The following MRPS11 variants were observed in gnomAD, a reference collection of about 807,000 sequenced individuals.
MRPS11 encodes the protein small ribosomal subunit protein uS11m.
A neutral mutation model predicts 24.3 loss-of-function variants in MRPS11; 27 were observed. The observed-to-expected ratio is 1.11, with a 90% CI of 0.82 to 1.53. The LOEUF (loss-of-function observed/expected upper bound fraction) is 1.53. Among genes scored for constraint, MRPS11 ranks in the 40% most tolerant of loss-of-function variants. MRPS11 has a pLI of 0.00. For missense variants in MRPS11, 277 were observed against 256.5 expected (o/e 1.08, Z -0.55); for synonymous variants, 104 against 98.7 (o/e 1.05, Z -0.32).
In MRPS11 at chr15:88,480,649, G is replaced by A. The variant is rs2055912891; in HGVS notation, c.*2670G>A. ...AAATGGATGTCTGGCGCAACCCCCG[G>A]AGCTAGTTTTGGGGAGGCCGCCTTG... On this transcript the variant is annotated 3_prime_UTR_variant, in exon 6 of 6. Coordinates refer to ENST00000325844, the MANE Select transcript of MRPS11 (RefSeq NM_022839.5). The surrounding 1 kb of genome is among the most constrained non-coding windows in gnomAD (Gnocchi z 5.1). 6.6e-6 allele frequency: 1 copy of A among 152,150 alleles called. No individual in the cohort carries two copies. Among genetic ancestry groups the A allele is most frequent in the East Asian group, 1.9e-4 (1 of 5,182 alleles). The allele number at this position is 152,150 out of a possible 1,614,324, so 9.4% of individuals were successfully genotyped here.
At chr15:88,476,282 A>G (rs1273971144) in intron 4 of MRPS11, among the ~76,000 whole-genome samples, 4 of 152,218 alleles carry the variant, frequency 2.6e-5, no homozygotes, top group African/African-American at 9.6e-5. Context: ...ATCGGAACCC[A>G]GATTGGTCTG....
rs1321072697 is a variant in MRPS11, at chr15:88,480,670, C to T, written c.*2691C>T. The T allele has an allele frequency of 2.0e-5, 3 of 152,074 alleles. No individual in the cohort carries two copies. Among genetic ancestry groups the T allele is most frequent in the African/African-American group, 7.2e-5 (3 of 41,398 alleles). 9.4% of individuals were successfully genotyped at this position (152,074 alleles called of 1,614,324 possible). On this transcript the variant is annotated 3_prime_UTR_variant, in exon 6 of 6. Transcript: ENST00000325844. The surrounding 1 kb of genome is among the most constrained non-coding windows in gnomAD (Gnocchi z 5.1). ...CCCGGAGCTAGTTTTGGGGAGGCCG[C>T]CTTGTTGACTGTGCACTGGAAAATG...
chr15:88,471,795 C>T (rs879124383), intron 2 of MRPS11, among the ~76,000 whole-genome samples: 2 of 152,294 alleles, frequency 1.3e-5, no homozygotes, highest in African/African-American at 4.8e-5. Flanking sequence ...AGATCTTGAA[C>T]GCAACACAAT....
chr15:88,467,803 C>G (rs1448643348), intron 1 of MRPS11, 21 bp downstream of exon 1: 6 of 1,613,830 alleles, frequency 3.7e-6, no homozygotes, highest in Non-Finnish European at 4.2e-6. Context: ...ACTGCCCCCT[C>G]GAGCCCACCG....
In MRPS11 at chr15:88,478,200, CA is replaced by C; in HGVS notation, c.*222del. 1.7e-6 allele frequency: 1 copy of C among 574,470 alleles called. No homozygotes were observed. Among genetic ancestry groups the C allele is most frequent in the Non-Finnish European group, 3.1e-6 (1 of 322,194 alleles). 35.6% of individuals were successfully genotyped at this position (574,470 alleles called of 1,614,324 possible). A position where few individuals can be genotyped will look rare whatever the true frequency, so the allele number is the denominator to read the frequency against. On this transcript the variant is annotated 3_prime_UTR_variant, in exon 6 of 6. Transcript: ENST00000325844. The surrounding 1 kb of genome is among the most constrained non-coding windows in gnomAD (Gnocchi z 4.7). ...TGCATCTCTTACAAGAGGGGAGCTA[CA>C]GGGGCAGCCGTGGCCTAGGCCCAAA...
rs985415914 is a variant in MRPS11 at position 88,477,644 on chromosome 15, T to C, written c.478-228T>C. On this transcript the variant is annotated intron_variant, in intron 5 of 5. Coordinates refer to ENST00000325844, the MANE Select transcript of MRPS11 (RefSeq NM_022839.5). The surrounding 1 kb of genome is among the most constrained non-coding windows in gnomAD (Gnocchi z 5.7). ...TCGTAAAGTGCAAAGTGGAAAGTGG[T>C]GGGTACAGTTTGAGAGGGGAACAGT... Among the ~76,000 whole-genome samples, 1 of 152,114 alleles carries C rather than the reference T, an allele frequency of 6.6e-6. No homozygotes were observed. The highest frequency in any genetic ancestry group is 2.4e-5 in the African/African-American group (1 of 41,420).
chr15:88,474,597 TA>T (rs2055783116), intron 3 of MRPS11, among the ~76,000 whole-genome samples: 1 of 151,882 alleles, frequency 6.6e-6, no homozygotes, highest in African/African-American at 2.4e-5. Flanking sequence ...ATATTGCTAA[TA>T]TTTTTTTAAG....
intron 3 of MRPS11, among the ~76,000 whole-genome samples, chr15:88,473,018 G>A (rs893933801): frequency 1.1e-4 from 16 of 152,166 alleles, no homozygotes; most frequent in African/African-American, 3.9e-4. Flanking sequence ...AGTGTATGAG[G>A]GGCATATGGT....
chr15:88,472,735 A>T lies in MRPS11; in HGVS notation c.281+10A>T. On this transcript the variant is annotated intron_variant, in intron 3 of 5. Coordinates refer to ENST00000325844, the MANE Select transcript of MRPS11 (RefSeq NM_022839.5). ...AAGCATCCCACAACAAGTAAGTGGG[A>T]AGGGAAACACTGGGCAGGTCTAGCG... 1 of 1,605,326 alleles carries T rather than the reference A, an allele frequency of 6.2e-7. No individual in the cohort carries two copies.
Position 88,477,491 on chromosome 15 carries a change from A to T in MRPS11, c.478-381A>T, listed in dbSNP as rs1205289537. ...TCTCTCTGACTTTGCAGGAATAATGAGGTATCAGGGAGGTGGAGGCACAGC... is the reference window on the plus strand; with the variant it reads ...TCTCTCTGACTTTGCAGGAATAATGTGGTATCAGGGAGGTGGAGGCACAGC... On this transcript the variant is annotated intron_variant, in intron 5 of 5. Coordinates refer to ENST00000325844, the MANE Select transcript of MRPS11 (RefSeq NM_022839.5). The surrounding 1 kb of genome is among the most constrained non-coding windows in gnomAD (Gnocchi z 5.7). Among the ~76,000 whole-genome samples the T allele has an allele frequency of 6.6e-6, 1 of 152,180 alleles. No homozygotes were observed. The highest frequency in any genetic ancestry group is 2.4e-5 in the African/African-American group (1 of 41,448).
Position 88,467,890 on chromosome 15 carries a change from C to T in MRPS11, c.66-18C>T, listed in dbSNP as rs536702634. The T allele has an allele frequency of 1.3e-5, 21 of 1,613,562 alleles. No individual in the cohort carries two copies. The highest frequency in any genetic ancestry group is 1.2e-4 in the African/African-American group (9 of 75,024). ...AGTGACCGTTAGGCCGTGGCCCTCA[C>T]CGAGCTTTTCTTCCCAGCAGGGTCG... is the stretch of plus-strand genomic sequence containing the variant. On this transcript the variant is annotated intron_variant, in intron 1 of 5. Coordinates refer to ENST00000325844, the MANE Select transcript of MRPS11 (RefSeq NM_022839.5).
At position 88,479,737 on chromosome 15, in the gene MRPS11, C is replaced by G. The variant is rs567632457; in HGVS notation, c.*1758C>G. 6.6e-6 allele frequency: 1 copy of G among 152,144 alleles called. No individual in the cohort carries two copies. Among genetic ancestry groups the G allele is most frequent in the African/African-American group, 2.4e-5 (1 of 41,436 alleles). 9.4% of individuals were successfully genotyped at this position (152,144 alleles called of 1,614,324 possible). On this transcript the variant is annotated 3_prime_UTR_variant, in exon 6 of 6. Coordinates refer to ENST00000325844, the MANE Select transcript of MRPS11 (RefSeq NM_022839.5). ...TGGTGCACTTGAAAATTGCACTTCG[C>G]GATTTGATATGGTTTGGTGGACAGA... is the stretch of plus-strand genomic sequence containing the variant.
chr15:88,477,013 C>T lies in MRPS11; in HGVS notation c.436C>T (p.His146Tyr). 1 of 1,614,050 alleles carries T rather than the reference C, an allele frequency of 6.2e-7. No homozygotes were observed. Among genetic ancestry groups the T allele is most frequent in the Non-Finnish European group, 8.5e-7 (1 of 1,180,002 alleles). Reference sequence around the variant, plus strand: ...GAGAGCTAAACAAAAGGGCGTGATCCACATCCGAGTTGTGGTGAAAGGCCT... The same window carrying T: ...GAGAGCTAAACAAAAGGGCGTGATCTACATCCGAGTTGTGGTGAAAGGCCT... Reference protein sequence around the residue: ...AARAKQKGVIHIRVVVKGLGP... With the variant: ...AARAKQKGVIYIRVVVKGLGP... The change falls in exon 5 of 6, where the codon CAC becomes TAC. Residue 146 changes from histidine (H) to tyrosine (Y), a missense_variant. His to Tyr is a moderately conservative substitution (Grantham distance 83). Transcript: ENST00000325844. This position sits in a 1 kb window ranked among gnomAD's most constrained non-coding sequence, Gnocchi z 5.7.
Position 88,475,245 on chromosome 15 carries a change from T to C in MRPS11, c.411+6T>C, listed in dbSNP as rs1165570209. On this transcript the variant is annotated splice_donor_region_variant and intron_variant, in intron 4 of 5. Transcript: ENST00000325844. This position sits in a 1 kb window ranked among gnomAD's most constrained non-coding sequence, Gnocchi z 4.1. The stretch of plus-strand genomic sequence containing the variant: ...CAGGCATAGCCGCAGCGGCGGTAAG[T>C]GTGTGTTCCTTCTGCTTCCTTCTAG... 1 of 1,613,906 alleles carries C rather than the reference T, an allele frequency of 6.2e-7. No individual in the cohort carries two copies. The highest frequency in any genetic ancestry group is 1.1e-5 in the South Asian group (1 of 91,066).
In MRPS11 at chr15:88,478,212, T is replaced by C; in HGVS notation, c.*233T>C. On this transcript the variant is annotated 3_prime_UTR_variant, in exon 6 of 6. Coordinates refer to ENST00000325844, the MANE Select transcript of MRPS11 (RefSeq NM_022839.5). The surrounding 1 kb of genome is among the most constrained non-coding windows in gnomAD (Gnocchi z 4.7). ...AAGAGGGGAGCTACAGGGGCAGCCG[T>C]GGCCTAGGCCCAAACTCTGCTCTGA... 3 of 565,140 alleles carry C rather than the reference T, an allele frequency of 5.3e-6. No individual in the cohort carries two copies. Among genetic ancestry groups the C allele is most frequent in the Non-Finnish European group, 9.5e-6 (3 of 316,780 alleles). The allele number at this position is 565,140 out of a possible 1,614,324, so 35.0% of individuals were successfully genotyped here. A position where few individuals can be genotyped will look rare whatever the true frequency, so the allele number is the denominator to read the frequency against.
At position 88,480,494 on chromosome 15, in the gene MRPS11, T is replaced by A. The variant is rs891446912; in HGVS notation, c.*2515T>A. 10 of 152,220 alleles carry A rather than the reference T, an allele frequency of 6.6e-5. No individual in the cohort carries two copies. The highest frequency in any genetic ancestry group is 2.4e-4 in the African/African-American group (10 of 41,448). The allele number at this position is 152,220 out of a possible 1,614,324, so 9.4% of individuals were successfully genotyped here. A position where few individuals can be genotyped will look rare whatever the true frequency, so the allele number is the denominator to read the frequency against. ...AACAGGCGTGAGCCACTGCGCCTGA[T>A]CCACACACCATAGTTTTTAAAATGT... On this transcript the variant is annotated 3_prime_UTR_variant, in exon 6 of 6. Coordinates refer to ENST00000325844, the MANE Select transcript of MRPS11 (RefSeq NM_022839.5). This position sits in a 1 kb window ranked among gnomAD's most constrained non-coding sequence, Gnocchi z 5.1.
chr15:88,468,057 C>T (rs1018010032), intron 2 of MRPS11, 33 bp downstream of exon 2: 2 of 1,576,700 alleles, frequency 1.3e-6, no homozygotes, highest in Non-Finnish European at 1.7e-6. Context: ...CTCTGGAGAC[C>T]CGCAACCCCT....
At chr15:88,474,029 A>T (rs1415143999) in intron 3 of MRPS11, among the ~76,000 whole-genome samples, 3 of 152,142 alleles carry the variant, frequency 2.0e-5, no homozygotes, top group African/African-American at 7.2e-5. Flanking sequence ...TACAAAAATT[A>T]GCCAGGCGTG....
intron 2 of MRPS11, 93 bp from the exon 3 acceptor site, chr15:88,472,534 G>C (rs2142213617): frequency 9.8e-7 from 1 of 1,018,626 alleles, no homozygotes; most frequent in African/African-American, 1.6e-5. Context: ...GCAGCAGGGG[G>C]CACAGAGCTG....
Sources: allele counts gnomAD v4.1 joint callset (sites outside exome capture counted in the v4.1 genomes callset), GRCh38; gene constraint gnomAD v4.1.1; non-coding constraint Gnocchi (gnomAD v3.1); transcripts MANE v1.5; gene names NCBI Gene and HGNC (gene_info 2026-07-23, HGNC 2026-07-21).